IPCEF1: variants seen among roughly 807,000 people sequenced by gnomAD.
The protein encoded by IPCEF1 is interaction protein for cytohesin exchange factors 1.
In IPCEF1, 31 loss-of-function variants were observed where a neutral mutation model predicts 50.9. The observed-to-expected ratio is 0.61, with a 90% CI of 0.46 to 0.82. IPCEF1 has a LOEUF of 0.82. Among genes scored for constraint, IPCEF1 ranks in the 40% least tolerant of loss-of-function variants. The probability of loss-of-function intolerance (pLI) is 0.00; values close to 1 mark genes in which losing one functional copy is unlikely to be tolerated. For synonymous variants in IPCEF1, 181 were observed against 192.0 expected (o/e 0.94, Z 0.47); for missense variants, 458 against 514.0 (o/e 0.89, Z 1.05).
At position 154,168,561 on chromosome 6, in the gene IPCEF1, G is replaced by C. The variant is rs1799617185; in HGVS notation, c.911-448C>G. On this transcript the variant is annotated intron_variant, in intron 10 of 11. Transcript: ENST00000367220. This position sits in a 1 kb window ranked among gnomAD's most constrained non-coding sequence, Gnocchi z 4.1. ...TAAGGTCACATTCTGAGGTATTAGG[G>C]GTTAGGACGTCAACATACGAATTTT... Among the ~76,000 whole-genome samples the C allele has an allele frequency of 6.6e-6, 1 of 151,922 alleles. No homozygotes were observed. Among genetic ancestry groups the C allele is most frequent in the South Asian group, 2.1e-4 (1 of 4,818 alleles).
At chr6:154,177,896 C>T (rs1800479893) in intron 10 of IPCEF1, among the ~76,000 whole-genome samples, 1 of 152,154 alleles carries the variant, frequency 6.6e-6, no homozygotes. Flanking sequence ...ACCCAAATGT[C>T]CATCAATAAT....
chr6:154,270,487 A>G (rs143696698), intron 2 of IPCEF1, among the ~76,000 whole-genome samples: 1 of 152,332 alleles, frequency 6.6e-6, no homozygotes, highest in East Asian at 1.9e-4. Flanking sequence ...GTAATGTCTC[A>G]TCTATCTAAG....
At chr6:154,228,218 C>T (rs553046603) in intron 5 of IPCEF1, among the ~76,000 whole-genome samples, 2 of 152,016 alleles carry the variant, frequency 1.3e-5, no homozygotes, top group Non-Finnish European at 2.9e-5. Flanking sequence ...GTAATCCCAG[C>T]GCTTTGGGAG....
At chr6:154,293,965 A>AATC (rs1782575451) in intron 1 of IPCEF1, among the ~76,000 whole-genome samples, 1 of 152,234 alleles carries the variant, frequency 6.6e-6, no homozygotes, top group Non-Finnish European at 1.5e-5. Context: ...TTCAGATAAT[A>AATC]AGAGAGGCTG....
chr6:154,220,482 C>T (rs1025349481), intron 7 of IPCEF1, among the ~76,000 whole-genome samples: 4 of 152,070 alleles, frequency 2.6e-5, no homozygotes, highest in Admixed American at 6.6e-5. Flanking sequence ...CATGGTGAAA[C>T]CCACAAGAAA....
intron 9 of IPCEF1, among the ~76,000 whole-genome samples, chr6:154,206,060 T>G (rs1456244810): frequency 1.3e-5 from 2 of 152,154 alleles, no homozygotes; most frequent in Non-Finnish European, 2.9e-5. Context: ...CAAAAGCTCT[T>G]CATGGCACCC....
chr6:154,279,504 C>G (rs1325028505), intron 2 of IPCEF1, among the ~76,000 whole-genome samples: 1 of 152,024 alleles, frequency 6.6e-6, no homozygotes, highest in Non-Finnish European at 1.5e-5. Context: ...TCTTGTCTTC[C>G]TTATTAGATC....
intron 11 of IPCEF1, among the ~76,000 whole-genome samples, chr6:154,163,712 G>A (rs1583678906): frequency 6.6e-6 from 1 of 152,118 alleles, no homozygotes; most frequent in African/African-American, 2.4e-5. Flanking sequence ...ATGAATAAAT[G>A]AATTACCAAT....
In IPCEF1 at chr6:154,156,679, T is replaced by C. The variant is rs1033524451; in HGVS notation, c.*3149A>G. The C allele has an allele frequency of 2.0e-5, 3 of 152,224 alleles. No individual in the cohort carries two copies. The highest frequency in any genetic ancestry group is 1.3e-4 in the Admixed American group (2 of 15,288). The allele number at this position is 152,224 out of a possible 1,614,324, so 9.4% of individuals were successfully genotyped here. ...CTGGAGTCTTTGTAATCCTATACTT[T>C]AGGAGTCTTTCTAGGCCTTTGATCC... On this transcript the variant is annotated 3_prime_UTR_variant, in exon 12 of 12. Transcript: ENST00000367220.
chr6:154,274,477 CT>C (rs1782004054), intron 2 of IPCEF1, among the ~76,000 whole-genome samples: 1 of 152,158 alleles, frequency 6.6e-6, no homozygotes, highest in South Asian at 2.1e-4. Context: ...TCAATCTTTC[CT>C]CCCAGTGGAC....
chr6:154,207,509 G>T (rs1394656161), intron 9 of IPCEF1, among the ~76,000 whole-genome samples: 2 of 152,056 alleles, frequency 1.3e-5, no homozygotes, highest in Non-Finnish European at 1.5e-5. Context: ...AAGATTAAAT[G>T]TGAATTTCCA....
At chr6:154,331,405 A>AAGAAAGAAAG (rs60403800) in intron 1 of IPCEF1, among the ~76,000 whole-genome samples, 18 of 93,016 alleles carry the variant, frequency 1.9e-4, no homozygotes, top group East Asian at 1.4e-3. Context: ...GAAAGAAAGA[A>AAGAAAGAAAG]AGAGAGAGAA....
chr6:154,279,816 T>C (rs1782161646), intron 2 of IPCEF1, among the ~76,000 whole-genome samples: 1 of 152,062 alleles, frequency 6.6e-6, no homozygotes, highest in South Asian at 2.1e-4. Context: ...CATGAATCAG[T>C]AAGGAACAGG....
At chr6:154,161,181 G>A (rs1798984591) in intron 11 of IPCEF1, among the ~76,000 whole-genome samples, 1 of 151,200 alleles carries the variant, frequency 6.6e-6, no homozygotes, top group Non-Finnish European at 1.5e-5. Context: ...ACACTTTCCA[G>A]TCTTTCTTTA....
At chr6:154,209,657 A>C (rs570385288) in intron 9 of IPCEF1, among the ~76,000 whole-genome samples, 1 of 152,118 alleles carries the variant, frequency 6.6e-6, no homozygotes, top group African/African-American at 2.4e-5. Context: ...AAAAAAAAAA[A>C]AAAAGTTACT....
intron 1 of IPCEF1, among the ~76,000 whole-genome samples, chr6:154,347,775 C>G (rs1272042500): frequency 6.6e-6 from 1 of 152,202 alleles, no homozygotes; most frequent in Non-Finnish European, 1.5e-5. Context: ...GAGCATCCAT[C>G]CATTGGCAAA....
intron 5 of IPCEF1, among the ~76,000 whole-genome samples, chr6:154,240,044 G>C (rs752938829): frequency 1.1e-4 from 16 of 152,106 alleles, no homozygotes; most frequent in Non-Finnish European, 1.8e-4. Flanking sequence ...TTTGGGATAC[G>C]CTCAGAGGCT....
Position 154,329,723 on chromosome 6 carries a change from A to AT in IPCEF1, c.-62+26948dup, listed in dbSNP as rs370359958. 1.4e-3 allele frequency among the ~76,000 whole-genome samples: 210 copies of AT among 150,954 alleles called. 1 individual carries two copies. Among genetic ancestry groups the AT allele is most frequent in the African/African-American group, 4.7e-3 (193 of 41,196 alleles). Reference sequence around the variant, plus strand: ...TTCGTCATGCAAAAAAGAAAGTGAAATTTTTTTTTTCACCAATTCTCTACT... The same window carrying AT: ...TTCGTCATGCAAAAAAGAAAGTGAAATTTTTTTTTTTCACCAATTCTCTACT... On this transcript the variant is annotated intron_variant, in intron 1 of 11. Coordinates refer to ENST00000367220, the MANE Select transcript of IPCEF1 (RefSeq NM_001130700.2).
chr6:154,163,414 C>G (rs1282685680), intron 11 of IPCEF1, among the ~76,000 whole-genome samples: 1 of 152,322 alleles, frequency 6.6e-6, no homozygotes, highest in Non-Finnish European at 1.5e-5. Context: ...TTCAAAGAGG[C>G]CTTTCATGTC....
Sources: gnomAD v4.1 joint callset for allele counts (sites outside exome capture counted in the v4.1 genomes callset) on GRCh38, gnomAD v4.1.1 for gene constraint, Gnocchi (gnomAD v3.1) non-coding constraint, MANE v1.5 for transcripts, NCBI Gene and HGNC (gene_info 2026-07-23, HGNC 2026-07-21) for gene names.